Variants in COL15A1 observed in about 807,000 individuals in gnomAD.
The protein encoded by COL15A1 is collagen type XV alpha 1 chain, also known as collagen alpha-1(XV) chain.
In COL15A1, 111 loss-of-function variants were observed where a neutral mutation model predicts 165.9. The observed-to-expected ratio is 0.67, with a 90% CI of 0.57 to 0.78. The LOEUF (loss-of-function observed/expected upper bound fraction) is 0.78. Among genes scored for constraint, COL15A1 ranks in the 30% least tolerant of loss-of-function variants. The pLI is 0.00. For missense variants in COL15A1, 1,745 were observed against 1,789.7 expected (o/e 0.98, Z 0.45); for synonymous variants, 659 against 674.8 (o/e 0.98, Z 0.36).
Position 98,973,474 on chromosome 9 carries a change from T to G in COL15A1, c.101-12091T>G, listed in dbSNP as rs79683723. ...GATTTTTTCCCTGGCAAGGAAACAG[T>G]TCTTTTTTAAGAAATGCATCGGGTG... On this transcript the variant is annotated intron_variant, in intron 2 of 41. Coordinates refer to ENST00000375001, the MANE Select transcript of COL15A1 (RefSeq NM_001855.5). 5.0e-3 allele frequency among the ~76,000 whole-genome samples: 765 copies of G among 152,336 alleles called. 2 individuals carry two copies. Among genetic ancestry groups the G allele is most frequent in the African/African-American group, 0.017 (689 of 41,580 alleles).
At chr9:99,039,746 C>G (rs1839368337) in intron 22 of COL15A1, among the ~76,000 whole-genome samples, 1 of 152,202 alleles carries the variant, frequency 6.6e-6, no homozygotes, top group Admixed American at 6.5e-5. Context: ...CCCTAATTCT[C>G]TTCTCTGATG....
At chr9:99,021,709 C>G (rs1352678516) in intron 12 of COL15A1, among the ~76,000 whole-genome samples, 2 of 152,204 alleles carry the variant, frequency 1.3e-5, no homozygotes, top group African/African-American at 2.4e-5. Flanking sequence ...AGGTCACACG[C>G]CCTGGTGAGA....
chr9:98,954,178 G>C lies in COL15A1; in HGVS notation c.100+9928G>C, dbSNP rs558746743. Among the ~76,000 whole-genome samples the C allele has an allele frequency of 5.9e-5, 9 of 152,272 alleles. No individual in the cohort carries two copies. In the South Asian group the frequency reaches 1.5e-3, roughly 25 times the overall value. On this transcript the variant is annotated intron_variant, in intron 2 of 41. Transcript: ENST00000375001. ...TCCATTTCCACCAGGAGATGGGAGA[G>C]GCAGAGGGATGTGAGAAGTGTTTGT...
chr9:98,964,223 G>A (rs1389450476), intron 2 of COL15A1, among the ~76,000 whole-genome samples: 1 of 146,104 alleles, frequency 6.8e-6, no homozygotes, highest in Non-Finnish European at 1.5e-5. Flanking sequence ...CCCATTCTTG[G>A]TCTCTAGTTA....
chr9:99,056,414 G>T lies in COL15A1; in HGVS notation c.3337+10G>T. 1 of 1,599,080 alleles carries T rather than the reference G, an allele frequency of 6.3e-7. No individual in the cohort carries two copies. ...GCTATCCTGGGAGCAGGTTAGTGCC[G>T]TAAACAGTGCCCTTGTTCATGCTGT... On this transcript the variant is annotated intron_variant, in intron 35 of 41. Coordinates refer to ENST00000375001, the MANE Select transcript of COL15A1 (RefSeq NM_001855.5).
intron 26 of COL15A1, among the ~76,000 whole-genome samples, chr9:99,047,180 G>A (rs1435504264): frequency 3.3e-5 from 5 of 152,230 alleles, no homozygotes; most frequent in Non-Finnish European, 4.4e-5. Context: ...CCTGAAGGTT[G>A]CAACAGAACA....
intron 40 of COL15A1, among the ~76,000 whole-genome samples, chr9:99,067,373 T>C (rs1825912764): frequency 6.6e-6 from 1 of 152,214 alleles, no homozygotes; most frequent in Non-Finnish European, 1.5e-5. Flanking sequence ...ATGAGAGTTA[T>C]TCATTTTTTA....
intron 2 of COL15A1, among the ~76,000 whole-genome samples, chr9:98,959,237 A>AAC (rs1554683058): frequency 2.6e-5 from 4 of 151,548 alleles, no homozygotes; most frequent in African/African-American, 7.3e-5. Context: ...CAAAAAAAAA[A>AAC]AAAAAAAAAA....
At chr9:99,057,936 A>G (rs1464360426) in intron 35 of COL15A1, among the ~76,000 whole-genome samples, 1 of 152,136 alleles carries the variant, frequency 6.6e-6, no homozygotes, top group Non-Finnish European at 1.5e-5. Context: ...CGTAACTCAA[A>G]GTAGCTCAAG....
At chr9:99,002,303 A>T (rs1838672985) in intron 7 of COL15A1, among the ~76,000 whole-genome samples, 1 of 148,848 alleles carries the variant, frequency 6.7e-6, no homozygotes, top group Non-Finnish European at 1.5e-5. Context: ...CCCTCCTTTC[A>T]CCTTTTGTCT....
chr9:99,069,121 C>T (rs1244126888), intron 41 of COL15A1, among the ~76,000 whole-genome samples: 1 of 152,164 alleles, frequency 6.6e-6, no homozygotes, highest in Non-Finnish European at 1.5e-5. Context: ...CTCCTCACTG[C>T]CTACTCTATA....
Position 98,972,120 on chromosome 9 carries a change from G to C in COL15A1, c.101-13445G>C, listed in dbSNP as rs541267448. ...TGTTGTCCGTTCTCACAATATCTCT[G>C]TGAGCCAGGTCCTAGTGCTGCCCCA... is the stretch of plus-strand genomic sequence containing the variant. On this transcript the variant is annotated intron_variant, in intron 2 of 41. Coordinates refer to ENST00000375001, the MANE Select transcript of COL15A1 (RefSeq NM_001855.5). Among the ~76,000 whole-genome samples the C allele has an allele frequency of 6.6e-5, 10 of 152,240 alleles. No individual in the cohort carries two copies. The East Asian group carries it at 1.9e-3, about 29-fold the overall frequency.
intron 36 of COL15A1, among the ~76,000 whole-genome samples, chr9:99,060,537 G>A (rs1825799404): frequency 6.6e-6 from 1 of 150,664 alleles, no homozygotes; most frequent in Admixed American, 6.6e-5. Flanking sequence ...CTCCCAAAGT[G>A]CTGGGAGTAC....
intron 2 of COL15A1, among the ~76,000 whole-genome samples, chr9:98,951,414 T>C (rs1196258275): frequency 8.5e-5 from 13 of 152,192 alleles, no homozygotes; most frequent in African/African-American, 3.1e-4. Context: ...GTACCTGAGA[T>C]GGAGTCATGC....
chr9:99,069,979 C>A lies in COL15A1; in HGVS notation c.*93C>A. Reference sequence around the variant, plus strand: ...AAATGTTTAATTGTTGTAAATATTACAGTTTTTTTTTTTTACTACATATTC... The same window carrying A: ...AAATGTTTAATTGTTGTAAATATTAAAGTTTTTTTTTTTTACTACATATTC... On this transcript the variant is annotated 3_prime_UTR_variant, in exon 42 of 42. Transcript: ENST00000375001. 2.0e-5 allele frequency: 15 copies of A among 748,628 alleles called. No homozygotes were observed. The highest frequency in any genetic ancestry group is 2.4e-5 in the Non-Finnish European group (13 of 546,418). 46.4% of individuals were successfully genotyped at this position (748,628 alleles called of 1,614,324 possible).
chr9:98,985,672 G>A lies in COL15A1; in HGVS notation c.208G>A (p.Gly70Arg), dbSNP rs770735842. The change falls in exon 3 of 42, where the codon GGG becomes AGG. Residue 70 changes from glycine to arginine, a missense_variant. By Grantham distance (125) the Gly-to-Arg change is moderately radical. Transcript: ENST00000375001. ...GYGGFPAYSF[G>R]PGANVGRPAR... is the part of the protein sequence containing the mutation. ...TGGTGGCTTCCCGGCCTACAGTTTC[G>A]GGCCTGGTGCCAATGTTGGCCGCCC... The A allele has an allele frequency of 1.4e-5, 22 of 1,614,052 alleles. No individual in the cohort carries two copies. The highest frequency in any genetic ancestry group is 1.3e-4 in the South Asian group (12 of 91,084).
At chr9:98,983,751 C>A (rs1454291071) in intron 2 of COL15A1, among the ~76,000 whole-genome samples, 1 of 152,150 alleles carries the variant, frequency 6.6e-6, no homozygotes, top group Non-Finnish European at 1.5e-5. Context: ...CCATTATTAA[C>A]CAGGGGTTTC....
At chr9:98,944,375 A>C in intron 2 of COL15A1, 125 bp downstream of exon 2, 1 of 973,810 alleles carries the variant, frequency 1.0e-6, no homozygotes, top group Non-Finnish European at 1.5e-6. Context: ...CTTGCCACTC[A>C]GTGCGCACTG....
chr9:98,945,919 G>A (rs1406952525), intron 2 of COL15A1, among the ~76,000 whole-genome samples: 1 of 152,168 alleles, frequency 6.6e-6, no homozygotes, highest in East Asian at 1.9e-4. Context: ...CAGTGTCAGG[G>A]CTGTTGTTTC....
Sources: allele counts gnomAD v4.1 joint callset (sites outside exome capture counted in the v4.1 genomes callset), GRCh38; gene constraint gnomAD v4.1.1; transcripts MANE v1.5; gene names NCBI Gene and HGNC (gene_info 2026-07-23, HGNC 2026-07-21).